FAM20A: variants seen among roughly 807,000 people sequenced by gnomAD.
FAM20A encodes the protein FAM20A golgi associated secretory pathway pseudokinase.
FAM20A carries 42 observed loss-of-function variants against 52.0 expected under a neutral mutation model. The ratio of observed to expected loss-of-function variants is 0.81; its 90% CI spans 0.63 to 1.04. The LOEUF (loss-of-function observed/expected upper bound fraction) is 1.04. FAM20A is among the 50% of genes least tolerant of loss of function. FAM20A has a pLI of 0.00. For synonymous variants in FAM20A, 304 were observed against 298.9 expected, an observed-to-expected ratio of 1.02 and a Z score of -0.18; for missense variants, 742 against 712.7, an observed-to-expected ratio of 1.04 and a Z score of -0.47.
chr17:68,571,591 T>G (rs1168689402), intron 1 of FAM20A, among the ~76,000 whole-genome samples: 1 of 152,202 alleles, frequency 6.6e-6, no homozygotes, highest in African/African-American at 2.4e-5. Flanking sequence ...GCTTTTAAAT[T>G]AAATCTTGCA....
At chr17:68,562,883 A>C (rs1568752932) in intron 1 of FAM20A, among the ~76,000 whole-genome samples, 1 of 152,190 alleles carries the variant, frequency 6.6e-6, no homozygotes, top group Non-Finnish European at 1.5e-5. Flanking sequence ...AAGACTGTAC[A>C]TGAAGAGCTG....
chr17:68,576,515 A>C (rs1402952895), intron 1 of FAM20A, among the ~76,000 whole-genome samples: 1 of 152,160 alleles, frequency 6.6e-6, no homozygotes, highest in African/African-American at 2.4e-5. Context: ...TGCAGCCCTG[A>C]GCCCAAGGCT....
chr17:68,542,603 G>T, intron 6 of FAM20A, 91 bp downstream of exon 6: 2 of 958,020 alleles, frequency 2.1e-6, no homozygotes, highest in Non-Finnish European at 1.7e-6. Flanking sequence ...AGTGCTAGCA[G>T]CAGGGTGTCA....
intron 3 of FAM20A, among the ~76,000 whole-genome samples, chr17:68,552,666 CT>C (rs576230517): frequency 2.0e-3 from 132 of 66,838 alleles, no homozygotes; most frequent in African/African-American, 2.2e-3. Context: ...CTTTATTTTC[CT>C]TTTTTTTTTT....
At chr17:68,540,579 C>G (rs997126270) in intron 8 of FAM20A, 2 of 555,856 alleles carry the variant, frequency 3.6e-6, no homozygotes, top group Non-Finnish European at 6.8e-6. Flanking sequence ...AGTGAACATA[C>G]AGCTTCCAAT....
At chr17:68,541,922 C>A in intron 7 of FAM20A, 63 bp downstream of exon 7, 2 of 1,544,912 alleles carry the variant, frequency 1.3e-6, no homozygotes, top group Non-Finnish European at 1.8e-6. Context: ...AGCAACAAGT[C>A]CCTGGTACAG....
chr17:68,536,939 T>G lies in FAM20A; in HGVS notation c.*538A>C, dbSNP rs2086113170. 2.2e-6 allele frequency: 1 copy of G among 454,162 alleles called. No individual in the cohort carries two copies. 28.1% of individuals were successfully genotyped at this position (454,162 alleles called of 1,614,324 possible). On this transcript the variant is annotated 3_prime_UTR_variant, in exon 11 of 11. Transcript: ENST00000592554. Reference sequence around the variant, plus strand: ...GGGCAGTAGGGATTACTGATTCAGATGGGTCCAGTGACTAGAATATGAGTA... The same window carrying G: ...GGGCAGTAGGGATTACTGATTCAGAGGGGTCCAGTGACTAGAATATGAGTA...
At chr17:68,576,916 A>G (rs1368564300) in intron 1 of FAM20A, among the ~76,000 whole-genome samples, 1 of 152,160 alleles carries the variant, frequency 6.6e-6, no homozygotes, top group African/African-American at 2.4e-5. Context: ...GACTCTGTCT[A>G]TAGTAAAAAG....
chr17:68,581,420 CTCT>C (rs1196761562), intron 1 of FAM20A, among the ~76,000 whole-genome samples: 367 of 47,324 alleles, frequency 7.8e-3, no homozygotes, highest in African/African-American at 0.023. Flanking sequence ...CTTTCTTTTT[CTCT>C]TTTCTTTCTT....
chr17:68,554,666 G>A, intron 3 of FAM20A, 111 bp downstream of exon 3: 1 of 1,031,470 alleles, frequency 9.7e-7, no homozygotes, highest in Non-Finnish European at 1.5e-6. Flanking sequence ...AGGTTAGGCA[G>A]AGAGCCATGC....
intron 1 of FAM20A, among the ~76,000 whole-genome samples, chr17:68,597,571 G>A (rs575597174): frequency 2.6e-5 from 4 of 152,150 alleles, no homozygotes; most frequent in Non-Finnish European, 5.9e-5. Flanking sequence ...TTTTAATAGA[G>A]ATGGGATTTC....
intron 1 of FAM20A, among the ~76,000 whole-genome samples, chr17:68,579,384 T>C (rs2087878798): frequency 6.6e-6 from 1 of 152,038 alleles, no homozygotes; most frequent in Non-Finnish European, 1.5e-5. Context: ...CCTAAGGACA[T>C]TGACCCAACA....
At position 68,537,609 on chromosome 17, in the gene FAM20A, C is replaced by G; in HGVS notation, c.1494G>C (p.Leu498=). The change falls in exon 11 of 11, where the codon CTG becomes CTC. Residue 498 remains leucine, a synonymous_variant. Transcript: ENST00000592554. The surrounding 1 kb of genome is among the most constrained non-coding windows in gnomAD (Gnocchi z 4.2). ...PVLTEPHLLA[L]DRRLQTILRT... is the part of the protein sequence containing the mutation. ...TTAGGATGGTTTGGAGCCTTCGATC[C>G]AGGGCAAGGAGGTGGGGTTCAGTGA... 6.2e-7 allele frequency: 1 copy of G among 1,613,724 alleles called. No homozygotes were observed. The highest frequency in any genetic ancestry group is 8.5e-7 in the Non-Finnish European group (1 of 1,179,798).
Position 68,600,355 on chromosome 17 carries a change from C to G in FAM20A, c.312G>C (p.Pro104=), listed in dbSNP as rs755465626. ...ALFAHPLYNV[P]EEPPLLGAED... ...CGGCTCCCAGGAGAGGCGGCTCCTC[C>G]GGGACGTTGTACAGCGGGTGGGCGA... Residue 104 remains proline (P), a synonymous_variant, in exon 1 of 11, where the codon CCG becomes CCC. Transcript: ENST00000592554. The surrounding 1 kb of genome is among the most constrained non-coding windows in gnomAD (Gnocchi z 6.2). 3 of 1,600,506 alleles carry G rather than the reference C, an allele frequency of 1.9e-6. No homozygotes were observed. In the East Asian group the frequency reaches 6.8e-5, roughly 36 times the overall value.
chr17:68,586,292 AT>A (rs527917116), intron 1 of FAM20A, among the ~76,000 whole-genome samples: 2 of 152,106 alleles, frequency 1.3e-5, no homozygotes, highest in Admixed American at 6.5e-5. Context: ...AAAAGATTAA[AT>A]TTTTTTTACA....
At chr17:68,569,429 T>C (rs2087476955) in intron 1 of FAM20A, among the ~76,000 whole-genome samples, 1 of 152,236 alleles carries the variant, frequency 6.6e-6, no homozygotes. Flanking sequence ...ATGATTGCTT[T>C]TTCAAAATGC....
chr17:68,556,874 G>T (rs780238660), intron 1 of FAM20A, among the ~76,000 whole-genome samples: 22 of 152,090 alleles, frequency 1.4e-4, no homozygotes, highest in Non-Finnish European at 2.5e-4. Flanking sequence ...CCTTGGGTCT[G>T]GGGTGGGGTG....
At chr17:68,586,371 A>G (rs1259929958) in intron 1 of FAM20A, among the ~76,000 whole-genome samples, 3 of 152,228 alleles carry the variant, frequency 2.0e-5, no homozygotes, top group Non-Finnish European at 2.9e-5. Flanking sequence ...AGTGGACTGA[A>G]TGGTCCCCCA....
intron 1 of FAM20A, among the ~76,000 whole-genome samples, chr17:68,599,002 A>G (rs765532865): frequency 2.3e-4 from 35 of 152,230 alleles, no homozygotes; most frequent in Non-Finnish European, 4.6e-4. Context: ...TTAACGTGGA[A>G]TTGAGAATCA....
Sources: gnomAD v4.1 joint callset for allele counts (sites outside exome capture counted in the v4.1 genomes callset) on GRCh38, gnomAD v4.1.1 for gene constraint, Gnocchi (gnomAD v3.1) non-coding constraint, MANE v1.5 for transcripts, NCBI Gene and HGNC (gene_info 2026-07-23, HGNC 2026-07-21) for gene names.